The following NR1H4 variants were observed in gnomAD, a reference collection of about 807,000 sequenced individuals.
NR1H4 encodes the protein bile acid receptor.
Under a neutral mutation model 58.5 loss-of-function variants are expected in NR1H4, and 23 were observed. The ratio of observed to expected loss-of-function variants is 0.39; its 90% CI spans 0.28 to 0.56. The LOEUF (loss-of-function observed/expected upper bound fraction) is 0.56, where lower values mean the gene tolerates loss of function less well. NR1H4 is among the 20% of genes least tolerant of loss of function. The pLI, the probability that NR1H4 is intolerant of heterozygous loss-of-function variation, is 0.58. For synonymous variants in NR1H4, 214 were observed against 198.0 expected (o/e 1.08, Z -0.68); for missense variants, 487 against 576.9 (o/e 0.84, Z 1.60).
chr12:100,489,761 G>A (rs1371960508), intron 1 of NR1H4, among the ~76,000 whole-genome samples: 1 of 152,148 alleles, frequency 6.6e-6, no homozygotes, highest in African/African-American at 2.4e-5. Flanking sequence ...GGGTGTCTAA[G>A]CTGGGAAGAC....
chr12:100,530,379 C>T (rs887240166), intron 4 of NR1H4, among the ~76,000 whole-genome samples: 14 of 152,212 alleles, frequency 9.2e-5, no homozygotes, highest in African/African-American at 3.1e-4. Flanking sequence ...ATAAGAATTA[C>T]ATCAGTAAAT....
chr12:100,495,944 G>A (rs749249417), intron 3 of NR1H4, among the ~76,000 whole-genome samples: 6 of 152,100 alleles, frequency 3.9e-5, no homozygotes, highest in Non-Finnish European at 7.4e-5. Flanking sequence ...CAGTACTCCT[G>A]AGTCTAAGCT....
At chr12:100,538,758 T>A (rs1954868507) in intron 8 of NR1H4, among the ~76,000 whole-genome samples, 1 of 152,246 alleles carries the variant, frequency 6.6e-6, no homozygotes, top group Non-Finnish European at 1.5e-5. Flanking sequence ...AGCATTATGC[T>A]ATTATTTTAT....
Position 100,538,750 on chromosome 12 carries a change from C to A in NR1H4, c.931+1703C>A, listed in dbSNP as rs146660107. Reference sequence around the variant, plus strand: ...TGTTAATTTGCCTTCTTTTTGCCAGCATTATGCTATTATTTTATTAAATGT... The same window carrying A: ...TGTTAATTTGCCTTCTTTTTGCCAGAATTATGCTATTATTTTATTAAATGT... On this transcript the variant is annotated intron_variant, in intron 8 of 10. Coordinates refer to ENST00000392986, the MANE Select transcript of NR1H4 (RefSeq NM_001206979.2). 4.3e-4 allele frequency among the ~76,000 whole-genome samples: 66 copies of A among 152,260 alleles called. No individual in the cohort carries two copies. The East Asian group carries it at 6.9e-3, about 16-fold the overall frequency.
At chr12:100,479,725 C>A (rs559267420) in intron 1 of NR1H4, among the ~76,000 whole-genome samples, 1 of 152,268 alleles carries the variant, frequency 6.6e-6, no homozygotes, top group Non-Finnish European at 1.5e-5. Context: ...ACAGGCCATA[C>A]AAGAGCTGCC....
At chr12:100,479,742 C>G (rs148769497) in intron 1 of NR1H4, among the ~76,000 whole-genome samples, 77 of 152,372 alleles carry the variant, frequency 5.1e-4, no homozygotes, top group African/African-American at 1.8e-3. Context: ...TGCCTACTCT[C>G]AGACCTCATT....
At chr12:100,540,871 G>A (rs1954919728) in intron 9 of NR1H4, 53 bp downstream of exon 9, 2 of 1,584,184 alleles carry the variant, frequency 1.3e-6, no homozygotes, top group African/African-American at 2.7e-5. Context: ...TAAAATTGGT[G>A]TGCTTCATGA....
chr12:100,553,919 G>T (rs1000316381), intron 9 of NR1H4, among the ~76,000 whole-genome samples: 6 of 152,136 alleles, frequency 3.9e-5, no homozygotes, highest in Admixed American at 1.3e-4. Context: ...TAGTCTCATG[G>T]GCCCAAATTT....
intron 4 of NR1H4, among the ~76,000 whole-genome samples, chr12:100,526,801 C>T (rs1954567779): frequency 6.6e-6 from 1 of 152,166 alleles, no homozygotes; most frequent in Non-Finnish European, 1.5e-5. Flanking sequence ...CCAGACTCAT[C>T]CCATTCCCAA....
chr12:100,488,878 C>A (rs1006064607), intron 1 of NR1H4, among the ~76,000 whole-genome samples: 2 of 152,198 alleles, frequency 1.3e-5, no homozygotes, highest in Middle Eastern at 3.4e-3. Flanking sequence ...TAGATGTCAA[C>A]CCAAAAAGTG....
At chr12:100,541,121 T>C (rs1954924755) in intron 9 of NR1H4, among the ~76,000 whole-genome samples, 1 of 152,208 alleles carries the variant, frequency 6.6e-6, no homozygotes. Flanking sequence ...ACAAAGGAGC[T>C]AGGATTCTTC....
intron 3 of NR1H4, among the ~76,000 whole-genome samples, chr12:100,510,047 A>C (rs965805935): frequency 2.6e-5 from 4 of 152,246 alleles, no homozygotes; most frequent in Non-Finnish European, 4.4e-5. Flanking sequence ...ATAGAAATCT[A>C]AATAATTGTT....
chr12:100,507,786 T>C (rs1954004332), intron 3 of NR1H4, among the ~76,000 whole-genome samples: 1 of 152,208 alleles, frequency 6.6e-6, no homozygotes, highest in Middle Eastern at 3.4e-3. Context: ...TATGGATAAG[T>C]CACACAGAAG....
At position 100,474,489 on chromosome 12, in the gene NR1H4, A is replaced by T. The variant is rs544660909; in HGVS notation, c.-190+430A>T. ...TTGGGAACTAAGAATAAGACATTTA[A>T]CCTATGCTTAATTGAAATGAAATTT... On this transcript the variant is annotated intron_variant, in intron 1 of 10. Transcript: ENST00000392986. Among the ~76,000 whole-genome samples the T allele has an allele frequency of 2.0e-5, 3 of 152,332 alleles. No homozygotes were observed. The South Asian group carries it at 6.2e-4, about 32-fold the overall frequency.
chr12:100,486,387 A>G (rs1219037307), intron 1 of NR1H4, among the ~76,000 whole-genome samples: 1 of 152,232 alleles, frequency 6.6e-6, no homozygotes, highest in Non-Finnish European at 1.5e-5. Flanking sequence ...ATTAATTACT[A>G]TACAAGGAGG....
At chr12:100,507,547 C>T (rs2136144742) in intron 3 of NR1H4, among the ~76,000 whole-genome samples, 1 of 152,216 alleles carries the variant, frequency 6.6e-6, no homozygotes, top group South Asian at 2.1e-4. Flanking sequence ...ACTACAACCA[C>T]CACATCCCAG....
At chr12:100,505,786 T>C (rs549699792) in intron 3 of NR1H4, 3 of 516,686 alleles carry the variant, frequency 5.8e-6, no homozygotes, top group Admixed American at 3.3e-5. Context: ...TCAGAAAGCA[T>C]ACTCTAAATT....
chr12:100,516,928 A>C (rs1296849890), intron 4 of NR1H4, among the ~76,000 whole-genome samples: 2 of 152,224 alleles, frequency 1.3e-5, no homozygotes, highest in Non-Finnish European at 2.9e-5. Flanking sequence ...TAATAATTGT[A>C]CATGTTTATG....
intron 3 of NR1H4, among the ~76,000 whole-genome samples, chr12:100,510,070 A>C (rs1399086579): frequency 6.6e-6 from 1 of 152,242 alleles, no homozygotes; most frequent in East Asian, 1.9e-4. Flanking sequence ...ACATCTACTT[A>C]ATAGTGTATG....
Sources: gnomAD v4.1 joint callset for allele counts (sites outside exome capture counted in the v4.1 genomes callset) on GRCh38, gnomAD v4.1.1 for gene constraint, MANE v1.5 for transcripts, NCBI Gene and HGNC (gene_info 2026-07-23, HGNC 2026-07-21) for gene names.